ASNS: variants seen among roughly 807,000 people sequenced by gnomAD.
ASNS encodes the protein asparagine synthetase (glutamine-hydrolyzing), also known as asparagine synthetase [glutamine-hydrolyzing].
ASNS carries 37 observed loss-of-function variants against 62.6 expected under a neutral mutation model. That is an observed-to-expected ratio of 0.59 (90% confidence interval 0.45 to 0.78). The LOEUF (loss-of-function observed/expected upper bound fraction) is 0.78, where lower values mean the gene tolerates loss of function less well. Ranked by LOEUF, ASNS falls within the 30% of genes least tolerant of loss-of-function variation. The pLI, the probability that ASNS is intolerant of heterozygous loss-of-function variation, is 0.00. For synonymous variants in ASNS, 207 were observed against 237.9 expected, an observed-to-expected ratio of 0.87 and a Z score of 1.19; for missense variants, 520 against 682.4, an observed-to-expected ratio of 0.76 and a Z score of 2.65.
At chr7:97,891,828 T>A in the ASNS span, among the ~76,000 whole-genome samples, 1 of 152,182 alleles carries the variant, frequency 6.6e-6, no homozygotes, top group Non-Finnish European at 1.5e-5. Context: ...CCTGGCTCCT[T>A]TCACGGGTTG....
chr7:97,888,536 G>A, the ASNS span, among the ~76,000 whole-genome samples: 6 of 152,126 alleles, frequency 3.9e-5, no homozygotes, highest in Admixed American at 1.3e-4. Flanking sequence ...GTGTCACTAC[G>A]ACAGAGGTTA....
chr7:97,926,768 C>T, the ASNS span, among the ~76,000 whole-genome samples: 1 of 152,154 alleles, frequency 6.6e-6, no homozygotes, highest in Non-Finnish European at 1.5e-5. Flanking sequence ...TCATGCGATT[C>T]CCATTTCCCT....
the ASNS span, among the ~76,000 whole-genome samples, chr7:97,877,908 T>G: frequency 6.6e-6 from 1 of 152,126 alleles, no homozygotes. Context: ...CAAGAAGAGA[T>G]GATACAGGGA....
chr7:97,884,589 C>T, the ASNS span, among the ~76,000 whole-genome samples: 3 of 152,158 alleles, frequency 2.0e-5, no homozygotes, highest in African/African-American at 7.2e-5. Flanking sequence ...GCCTATCAAC[C>T]TCAGGGACTT....
At chr7:97,924,952 C>T in the ASNS span, among the ~76,000 whole-genome samples, 1 of 152,110 alleles carries the variant, frequency 6.6e-6, no homozygotes, top group East Asian at 1.9e-4. Context: ...GCCTGGACAA[C>T]ATGGTGAAAC....
At chr7:97,878,200 C>T in the ASNS span, among the ~76,000 whole-genome samples, 3 of 152,152 alleles carry the variant, frequency 2.0e-5, no homozygotes, top group Non-Finnish European at 4.4e-5. Context: ...CCTGGCCAAC[C>T]AACATGGGGA....
At chr7:97,876,620 G>T (rs1401110474), upstream of ASNS, among the ~76,000 whole-genome samples, 1 of 151,832 alleles carries the variant, frequency 6.6e-6, no homozygotes, top group African/African-American at 2.4e-5. Flanking sequence ...TAGAGACGGG[G>T]TTTCACCATG....
At position 97,852,353 on chromosome 7, in the gene ASNS, T is replaced by C. The variant is rs993460441; in HGVS notation, c.1592A>G (p.Asp531Gly). 1.2e-6 allele frequency: 2 copies of C among 1,614,188 alleles called. No homozygotes were observed. Among genetic ancestry groups the C allele is most frequent in the Non-Finnish European group, 1.7e-6 (2 of 1,180,046 alleles). ...GGGCATCCAGTAATGGCTCAGCCAG[T>C]CAGCCCGGCCTGGGTAATGGCGTTC... Reference protein sequence around the residue: ...VFERHYPGRADWLSHYWMPKW... With the variant: ...VFERHYPGRAGWLSHYWMPKW... Residue 531 changes from aspartate to glycine, a missense_variant, in exon 13 of 13, where the codon GAC (aspartate) becomes GGC (glycine). By Grantham distance (94) the Asp-to-Gly change is moderately conservative. Coordinates refer to ENST00000394308, the MANE Select transcript of ASNS (RefSeq NM_001673.5).
the ASNS span, among the ~76,000 whole-genome samples, chr7:97,912,329 G>T: frequency 1.3e-5 from 2 of 152,186 alleles, no homozygotes; most frequent in African/African-American, 4.8e-5. Flanking sequence ...TGAATATTTA[G>T]GTCAGGGCTG....
intron 4 of ASNS, among the ~76,000 whole-genome samples, chr7:97,860,696 G>A (rs1791673000): frequency 6.6e-6 from 1 of 152,204 alleles, no homozygotes; most frequent in African/African-American, 2.4e-5. Flanking sequence ...AGAGATATTA[G>A]GATGTTACTG....
At chr7:97,879,420 T>C in the ASNS span, among the ~76,000 whole-genome samples, 4 of 152,324 alleles carry the variant, frequency 2.6e-5, no homozygotes, top group Admixed American at 6.5e-5. Flanking sequence ...CCTATGACTT[T>C]CTTATAACCA....
the ASNS span, among the ~76,000 whole-genome samples, chr7:97,892,799 C>G: frequency 6.6e-6 from 1 of 152,204 alleles, no homozygotes; most frequent in African/African-American, 2.4e-5. Flanking sequence ...GTCCATATAA[C>G]CATCAGCATT....
Position 97,854,598 on chromosome 7 carries a change from C to T in ASNS, c.1220G>A (p.Arg407Gln), listed in dbSNP as rs748291290. 6.2e-7 allele frequency: 1 copy of T among 1,613,758 alleles called. No homozygotes were observed. Among genetic ancestry groups the T allele is most frequent in the East Asian group, 2.2e-5 (1 of 44,862 alleles). The part of the protein sequence containing the change: ...LYLFDVLRAD[R>Q]TTAAHGLELR... ...ATATTACCCATGGGCAGCAGTAGTT[C>T]GATCTGCGCGGAGAACATCAAACAA... is the stretch of plus-strand genomic sequence containing the variant. Residue 407 changes from arginine to glutamine, a missense_variant, in exon 10 of 13, where the codon CGA becomes CAA. Physicochemically the swap from Arg to Gln is conservative, Grantham distance 43 (BLOSUM62 1). Transcript: ENST00000394308.
chr7:97,896,617 C>T, the ASNS span, among the ~76,000 whole-genome samples: 1 of 117,362 alleles, frequency 8.5e-6, no homozygotes, highest in Non-Finnish European at 1.8e-5. Flanking sequence ...AAAAAAAAAC[C>T]ACATATATAT....
At chr7:97,924,019 C>CA in the ASNS span, among the ~76,000 whole-genome samples, 1 of 152,122 alleles carries the variant, frequency 6.6e-6, no homozygotes, top group Non-Finnish European at 1.5e-5. Flanking sequence ...ATTGAGAAGA[C>CA]ATTTCCCTAT....
chr7:97,926,789 A>G, the ASNS span, among the ~76,000 whole-genome samples: 1 of 152,176 alleles, frequency 6.6e-6, no homozygotes, highest in African/African-American at 2.4e-5. Context: ...TTGTGGACCA[A>G]AAAATTCAGT....
the ASNS span, among the ~76,000 whole-genome samples, chr7:97,900,374 A>AC: frequency 1.3e-5 from 2 of 150,970 alleles, no homozygotes; most frequent in African/African-American, 2.4e-5. Context: ...AAAAAAAAAA[A>AC]AAAAAAAAAA....
chr7:97,916,463 T>A, the ASNS span, among the ~76,000 whole-genome samples: 2 of 152,182 alleles, frequency 1.3e-5, no homozygotes, highest in Non-Finnish European at 2.9e-5. Flanking sequence ...GGGCCTGGTT[T>A]CTACAGAGTC....
At chr7:97,907,465 T>A in the ASNS span, among the ~76,000 whole-genome samples, 2 of 152,030 alleles carry the variant, frequency 1.3e-5, no homozygotes, top group African/African-American at 4.8e-5. Flanking sequence ...GAAAGGGGGT[T>A]AGTACAAAGC....
Sources: gnomAD v4.1 joint callset for allele counts (sites outside exome capture counted in the v4.1 genomes callset) on GRCh38, gnomAD v4.1.1 for gene constraint, MANE v1.5 for transcripts, NCBI Gene and HGNC (gene_info 2026-07-23, HGNC 2026-07-21) for gene names.